STK39: variants seen among roughly 807,000 people sequenced by gnomAD.
STK39 encodes the protein STE20/SPS1-related proline-alanine-rich protein kinase.
Under a neutral mutation model 77.8 loss-of-function variants are expected in STK39, and 20 were observed. The observed-to-expected ratio is 0.26, with a 90% CI of 0.18 to 0.37. The LOEUF (loss-of-function observed/expected upper bound fraction) is 0.37. Ranked by LOEUF, STK39 falls within the 10% of genes least tolerant of loss-of-function variation. The probability of loss-of-function intolerance (pLI) is 1.00; values close to 1 mark genes in which losing one functional copy is unlikely to be tolerated. For synonymous variants in STK39, 246 were observed against 234.1 expected (o/e 1.05, Z -0.47); for missense variants, 479 against 656.5 (o/e 0.73, Z 2.95).
chr2:168,228,916 A>G (rs1437757312), intron 1 of STK39, among the ~76,000 whole-genome samples: 2 of 152,180 alleles, frequency 1.3e-5, no homozygotes, highest in Admixed American at 6.5e-5. Context: ...GACACTCCAC[A>G]ATTCTAATCC....
rs1688567594 is a variant in STK39, at chr2:168,161,312, C to G, written c.628+475G>C. On this transcript the variant is annotated intron_variant, in intron 5 of 17. Transcript: ENST00000355999. ...AGACATTCATTGCATCCCCAGCCTA[C>G]CAGCTTTGTCAAGAATAGCCATGTT... 2.0e-5 allele frequency among the ~76,000 whole-genome samples: 3 copies of G among 152,196 alleles called. No homozygotes were observed. The South Asian group carries it at 6.2e-4, about 32-fold the overall frequency.
intron 1 of STK39, among the ~76,000 whole-genome samples, chr2:168,242,622 G>A (rs1690798075): frequency 2.1e-5 from 3 of 139,694 alleles, no homozygotes; most frequent in Admixed American, 7.5e-5. Flanking sequence ...AGTGGCTCAC[G>A]CCTGTAATCC....
intron 10 of STK39, among the ~76,000 whole-genome samples, chr2:168,093,701 C>G (rs565539642): frequency 6.6e-6 from 1 of 152,310 alleles, no homozygotes; most frequent in Admixed American, 6.5e-5. Context: ...TACCAGTCCA[C>G]CAACCTGACC....
intron 16 of STK39, among the ~76,000 whole-genome samples, chr2:167,990,018 T>A (rs1417336619): frequency 6.6e-6 from 1 of 151,892 alleles, no homozygotes; most frequent in African/African-American, 2.4e-5. Flanking sequence ...ATAATAATCA[T>A]CATCATCATC....
At chr2:168,010,634 G>C (rs1198663936) in intron 16 of STK39, among the ~76,000 whole-genome samples, 1 of 152,214 alleles carries the variant, frequency 6.6e-6, no homozygotes, top group East Asian at 1.9e-4. Flanking sequence ...CATGTATGGA[G>C]CCACTTGGCA....
intron 14 of STK39, among the ~76,000 whole-genome samples, chr2:168,060,861 A>G (rs79724768): frequency 0.013 from 1,939 of 151,512 alleles, 43 homozygotes; most frequent in African/African-American, 0.045. Flanking sequence ...CCGACAGTGA[A>G]TGGTTTCCAA....
chr2:168,236,371 A>C (rs1190087701), intron 1 of STK39, among the ~76,000 whole-genome samples: 1 of 151,544 alleles, frequency 6.6e-6, no homozygotes. Flanking sequence ...AGATGAGTAG[A>C]TTGCAAAAAT....
At chr2:168,081,186 A>G (rs1427134140) in intron 10 of STK39, among the ~76,000 whole-genome samples, 2 of 152,120 alleles carry the variant, frequency 1.3e-5, no homozygotes, top group African/African-American at 4.8e-5. Context: ...AGCTTGCACC[A>G]TGGGCCTGGA....
intron 12 of STK39, among the ~76,000 whole-genome samples, chr2:168,072,710 G>A (rs114727645): frequency 6.6e-6 from 1 of 152,122 alleles, no homozygotes; most frequent in South Asian, 2.1e-4. Context: ...CTTTATAATA[G>A]ATAAATAAAA....
chr2:168,188,307 C>T (rs1689257826), intron 1 of STK39, among the ~76,000 whole-genome samples: 1 of 152,180 alleles, frequency 6.6e-6, no homozygotes, highest in Non-Finnish European at 1.5e-5. Flanking sequence ...AGTACAAGTG[C>T]CACTCTGCTT....
At chr2:167,978,611 AAC>A (rs1463571655) in intron 16 of STK39, among the ~76,000 whole-genome samples, 3 of 152,220 alleles carry the variant, frequency 2.0e-5, no homozygotes, top group African/African-American at 7.2e-5. Flanking sequence ...TTGTTTGCTT[AAC>A]AGCCTTACTG....
chr2:168,121,978 A>G (rs1312386059), intron 10 of STK39, among the ~76,000 whole-genome samples: 1 of 152,140 alleles, frequency 6.6e-6, no homozygotes, highest in African/African-American at 2.4e-5. Flanking sequence ...CAGCAGGTGC[A>G]CCTCCACTTC....
intron 1 of STK39, among the ~76,000 whole-genome samples, chr2:168,216,897 T>C (rs1331717674): frequency 6.6e-6 from 1 of 152,124 alleles, no homozygotes; most frequent in Non-Finnish European, 1.5e-5. Flanking sequence ...CAGGAAGCTT[T>C]ACCCAACCAA....
chr2:168,143,651 T>C (rs1463405239), intron 5 of STK39, among the ~76,000 whole-genome samples: 1 of 151,766 alleles, frequency 6.6e-6, no homozygotes, highest in Non-Finnish European at 1.5e-5. Context: ...GAGGCGGAGG[T>C]TGCAGTGAGC....
At chr2:168,066,780 C>T (rs778850143) in intron 12 of STK39, among the ~76,000 whole-genome samples, 31 of 152,340 alleles carry the variant, frequency 2.0e-4, no homozygotes, top group African/African-American at 7.2e-4. Context: ...GTAGGTGTAA[C>T]CCTGAATACA....
intron 14 of STK39, among the ~76,000 whole-genome samples, chr2:168,061,800 G>A (rs1217187487): frequency 6.6e-6 from 1 of 152,122 alleles, no homozygotes; most frequent in Non-Finnish European, 1.5e-5. Context: ...AGAAAAATAA[G>A]GGAACACATT....
chr2:168,195,050 A>C (rs1689434501), intron 1 of STK39, among the ~76,000 whole-genome samples: 1 of 152,226 alleles, frequency 6.6e-6, no homozygotes, highest in South Asian at 2.1e-4. Flanking sequence ...TAGATTGATA[A>C]GTACTTGTTA....
intron 2 of STK39, among the ~76,000 whole-genome samples, chr2:168,173,329 G>C (rs965526794): frequency 1.3e-5 from 2 of 152,138 alleles, no homozygotes; most frequent in African/African-American, 4.8e-5. Flanking sequence ...TCTTTCTCCA[G>C]CATGCACTTC....
chr2:168,029,708 C>T (rs997928048), intron 14 of STK39, among the ~76,000 whole-genome samples: 12 of 152,128 alleles, frequency 7.9e-5, no homozygotes, highest in African/African-American at 1.7e-4. Flanking sequence ...CTGCTTTCTC[C>T]GACGGGTATT....
Sources: allele counts gnomAD v4.1 joint callset (sites outside exome capture counted in the v4.1 genomes callset), GRCh38; gene constraint gnomAD v4.1.1; transcripts MANE v1.5; gene names NCBI Gene and HGNC (gene_info 2026-07-23, HGNC 2026-07-21).